VXN: variants seen among roughly 807,000 people sequenced by gnomAD.
VXN encodes uncharacterized protein C8orf46.
In VXN, 7 loss-of-function variants were observed where a neutral mutation model predicts 23.1. The ratio of observed to expected loss-of-function variants is 0.30; its 90% confidence interval spans 0.17 to 0.57. The LOEUF is 0.57. Among genes scored for constraint, VXN ranks in the 20% least tolerant of loss-of-function variants. The probability of loss-of-function intolerance (pLI) is 0.91; values close to 1 mark genes in which losing one functional copy is unlikely to be tolerated. For missense variants in VXN, 238 were observed against 272.6 expected (o/e 0.87, Z 0.89); for synonymous variants, 120 against 105.8 (o/e 1.13, Z -0.83).
chr8:66,517,057 G>A lies in VXN; in HGVS notation c.*981G>A, dbSNP rs1485802296. On this transcript the variant is annotated 3_prime_UTR_variant, in exon 6 of 6. Transcript: ENST00000305454. ...GTTGGAACAAGTAAGGGATTTGAAT[G>A]AAATACACTATTATATCTTATATGT... The A allele has an allele frequency of 6.6e-6, 1 of 152,180 alleles. No homozygotes were observed. Among genetic ancestry groups the A allele is most frequent in the Admixed American group, 6.5e-5 (1 of 15,276 alleles). 9.4% of individuals were successfully genotyped at this position (152,180 alleles called of 1,614,324 possible).
chr8:66,513,994 G>T (rs189288547), intron 5 of VXN: 118 of 203,420 alleles, frequency 5.8e-4, no homozygotes, highest in Non-Finnish European at 9.8e-4. Context: ...TCATGAGTAA[G>T]TTCAAGATCC....
intron 4 of VXN, 99 bp from the exon 5 acceptor site, chr8:66,513,441 G>T (rs1807847996): frequency 2.1e-6 from 2 of 969,130 alleles, no homozygotes; most frequent in African/African-American, 1.6e-5. Context: ...CCAGGCGGTG[G>T]TGGTTCCATT....
At chr8:66,506,062 G>A (rs1157219964) in intron 3 of VXN, among the ~76,000 whole-genome samples, 3 of 152,176 alleles carry the variant, frequency 2.0e-5, no homozygotes, top group Non-Finnish European at 4.4e-5. Context: ...GGGATTACAG[G>A]CATGACCCAC....
At chr8:66,507,715 AAGAG>A (rs140791519) in intron 3 of VXN, among the ~76,000 whole-genome samples, 1 of 151,126 alleles carries the variant, frequency 6.6e-6, no homozygotes, top group African/African-American at 2.4e-5. Flanking sequence ...GTTTCAAAAA[AAGAG>A]AGAGAGAGAG....
chr8:66,503,663 A>C (rs1807715670), intron 2 of VXN: 1 of 152,206 alleles, frequency 6.6e-6, no homozygotes, highest in Non-Finnish European at 1.5e-5. Context: ...AACATCCCAT[A>C]CCACCATCCT....
rs78008917 is a variant in VXN at position 66,513,461 on chromosome 8, C to G, written c.343-79C>G. 10 of 1,169,016 alleles carry G rather than the reference C, an allele frequency of 8.6e-6. No individual in the cohort carries two copies. The East Asian group carries it at 9.3e-5, about 11-fold the overall frequency. The allele number at this position is 1,169,016 out of a possible 1,614,324, so 72.4% of individuals were successfully genotyped here. A position where few individuals can be genotyped will look rare whatever the true frequency, so the allele number is the denominator to read the frequency against. On this transcript the variant is annotated intron_variant, in intron 4 of 5. Transcript: ENST00000305454. Reference sequence around the variant, plus strand: ...CGGTGGTGGTTCCATTCAGTCCCCCCACTTGCAGACAGCCTCAGTCAGGGC... The same window carrying G: ...CGGTGGTGGTTCCATTCAGTCCCCCGACTTGCAGACAGCCTCAGTCAGGGC...
intron 1 of VXN, among the ~76,000 whole-genome samples, chr8:66,494,144 G>T (rs1427959208): frequency 6.6e-6 from 1 of 152,186 alleles, no homozygotes; most frequent in Non-Finnish European, 1.5e-5. Context: ...AAAGTGCGGA[G>T]AAATACTCCC....
intron 4 of VXN, among the ~76,000 whole-genome samples, chr8:66,512,320 G>A (rs539785270): frequency 2.6e-5 from 4 of 152,158 alleles, no homozygotes; most frequent in African/African-American, 4.8e-5. Flanking sequence ...AGTGTTCACC[G>A]GCCCATGGCA....
intron 5 of VXN, among the ~76,000 whole-genome samples, chr8:66,514,815 CTA>C (rs1434663842): frequency 3.3e-5 from 5 of 152,186 alleles, no homozygotes; most frequent in Admixed American, 6.5e-5. Context: ...AGTTGGGAAG[CTA>C]TGCACTTGGG....
chr8:66,499,876 C>T (rs1348504696), intron 2 of VXN, among the ~76,000 whole-genome samples: 1 of 151,956 alleles, frequency 6.6e-6, no homozygotes, highest in African/African-American at 2.4e-5. Context: ...TTTATATACA[C>T]ATTTTTAAAT....
At chr8:66,512,136 T>C (rs755817606) in intron 4 of VXN, among the ~76,000 whole-genome samples, 1 of 150,176 alleles carries the variant, frequency 6.7e-6, no homozygotes, top group Non-Finnish European at 1.5e-5. Flanking sequence ...GGCCTGGAGA[T>C]AGTGGGGCTA....
In VXN at chr8:66,513,648, C is replaced by T. The variant is rs781489159; in HGVS notation, c.440+11C>T. On this transcript the variant is annotated intron_variant, in intron 5 of 5. Transcript: ENST00000305454. ...TGTTCTGATGAGAGGGTAAGTGCTG[C>T]GTCTCTGGCCCCACTGCCTGTGGCC... 4.3e-5 allele frequency: 69 copies of T among 1,609,448 alleles called. No homozygotes were observed. The highest frequency in any genetic ancestry group is 5.1e-5 in the Non-Finnish European group (60 of 1,176,116).
Position 66,516,114 on chromosome 8 carries a change from TC to T in VXN, c.*42del. 1 of 1,536,674 alleles carries T rather than the reference TC, an allele frequency of 6.5e-7. No individual in the cohort carries two copies. ...TCAAGTGCCCTGTGTTGGCCAAGGTTCCCCGGACAAGAGGAAAAACCTTCAG... is the reference window on the plus strand; with the variant it reads ...TCAAGTGCCCTGTGTTGGCCAAGGTTCCCGGACAAGAGGAAAAACCTTCAG... On this transcript the variant is annotated 3_prime_UTR_variant, in exon 6 of 6. Transcript: ENST00000305454.
At chr8:66,513,771 A>G in intron 5 of VXN, 134 bp downstream of exon 5, 1 of 636,290 alleles carries the variant, frequency 1.6e-6, no homozygotes, top group Non-Finnish European at 2.7e-6. Flanking sequence ...GCTGCAAATT[A>G]TCTTTTAATG....
intron 1 of VXN, among the ~76,000 whole-genome samples, chr8:66,495,950 A>G (rs1439342486): frequency 1.3e-5 from 2 of 151,958 alleles, no homozygotes; most frequent in East Asian, 3.9e-4. Context: ...CCACCATTCT[A>G]CTTTTTGTCC....
intron 2 of VXN, among the ~76,000 whole-genome samples, chr8:66,502,118 A>G (rs1172266379): frequency 6.6e-6 from 1 of 152,028 alleles, no homozygotes; most frequent in Non-Finnish European, 1.5e-5. Context: ...CTTGAATTGT[A>G]TTTCTTCCAA....
chr8:66,500,977 G>A (rs1189935797), intron 2 of VXN, among the ~76,000 whole-genome samples: 7 of 150,110 alleles, frequency 4.7e-5, no homozygotes, highest in South Asian at 2.1e-4. Flanking sequence ...AGGTTCAAGC[G>A]ATTCTCCTGC....
intron 2 of VXN, chr8:66,498,854 A>G (rs1222639093): frequency 8.8e-6 from 4 of 456,430 alleles, no homozygotes; most frequent in East Asian, 6.9e-5. Context: ...AACTGAAACC[A>G]TAGATGAAAG....
intron 1 of VXN, among the ~76,000 whole-genome samples, 179 bp from the exon 2 acceptor site, chr8:66,496,258 A>G (rs916649152): frequency 1.2e-4 from 18 of 152,202 alleles, no homozygotes; most frequent in African/African-American, 4.1e-4. Context: ...TAATGCAGCT[A>G]TGAACTTTGT....
Sources: allele counts gnomAD v4.1 joint callset (sites outside exome capture counted in the v4.1 genomes callset), GRCh38; gene constraint gnomAD v4.1.1; transcripts MANE v1.5; gene names NCBI Gene and HGNC (gene_info 2026-07-23, HGNC 2026-07-21).